AK9: variants seen among roughly 807,000 people sequenced by gnomAD.
The protein encoded by AK9 is adenylate kinase 9.
In AK9, 191 loss-of-function variants were observed where a neutral mutation model predicts 239.6. The observed-to-expected ratio is 0.80, with a 90% CI of 0.71 to 0.90. The LOEUF is 0.90. AK9 is among the 40% of genes least tolerant of loss of function. AK9 has a pLI of 0.00. For synonymous variants in AK9, 689 were observed against 721.0 expected (o/e 0.96, Z 0.71); for missense variants, 1,995 against 2,214.7 (o/e 0.90, Z 1.99).
chr6:109,634,686 C>G (rs1583345828), intron 10 of AK9, among the ~76,000 whole-genome samples: 1 of 152,134 alleles, frequency 6.6e-6, no homozygotes, highest in Admixed American at 6.5e-5. Context: ...ACTGTCAATG[C>G]TTAGGAGAGT....
chr6:109,507,734 A>C (rs987946410), intron 33 of AK9, among the ~76,000 whole-genome samples: 1 of 152,204 alleles, frequency 6.6e-6, no homozygotes, highest in Non-Finnish European at 1.5e-5. Context: ...CTGTTAAAGC[A>C]AACTAAATAC....
intron 31 of AK9, among the ~76,000 whole-genome samples, chr6:109,515,185 T>C (rs912119733): frequency 6.6e-6 from 1 of 152,232 alleles, no homozygotes; most frequent in Non-Finnish European, 1.5e-5. Context: ...AGATGACTAA[T>C]ACGATTGGGT....
chr6:109,517,778 G>A (rs1006669162), intron 29 of AK9, among the ~76,000 whole-genome samples: 1 of 152,114 alleles, frequency 6.6e-6, no homozygotes, highest in East Asian at 1.9e-4. Context: ...GACCATGACA[G>A]GATATTGGTA....
chr6:109,595,740 C>T (rs937928123), intron 17 of AK9, among the ~76,000 whole-genome samples: 11 of 152,250 alleles, frequency 7.2e-5, no homozygotes, highest in South Asian at 2.1e-4. Context: ...TCTCAGCAAA[C>T]TAACACAGGA....
At chr6:109,524,757 T>C (rs1304742058) in intron 29 of AK9, among the ~76,000 whole-genome samples, 1 of 152,222 alleles carries the variant, frequency 6.6e-6, no homozygotes, top group Admixed American at 6.5e-5. Context: ...AGGGTTGTAA[T>C]GTATTCAGTT....
chr6:109,493,647 T>A, intron 40 of AK9, 76 bp from the exon 41 acceptor site: 1 of 1,269,970 alleles, frequency 7.9e-7, no homozygotes. Context: ...CCTGGATGTG[T>A]GGTTGAGTTA....
chr6:109,650,214 C>T (rs1798718311), intron 8 of AK9, among the ~76,000 whole-genome samples: 1 of 151,628 alleles, frequency 6.6e-6, no homozygotes, highest in Non-Finnish European at 1.5e-5. Flanking sequence ...GCAATGGCAA[C>T]AAAAGCCAAA....
Position 109,674,198 on chromosome 6 carries a change from C to T in AK9, c.181G>A (p.Ala61Thr). 3 of 1,567,094 alleles carry T rather than the reference C, an allele frequency of 1.9e-6. No individual in the cohort carries two copies. The highest frequency in any genetic ancestry group is 2.6e-6 in the Non-Finnish European group (3 of 1,160,462). ...ATTAGAGAAAAAAGATAAAATTTAC[C>T]TTCAACACGAATACATTTCCATGCC... is the stretch of plus-strand genomic sequence containing the variant. ...TQAWKCIRVE[A>T]LPILEEQIAA... The change falls in exon 3 of 41, where the codon GCT (alanine) becomes ACT (threonine). Residue 61 changes from alanine (A) to threonine (T), a missense_variant and splice_region_variant. Coordinates refer to ENST00000424296, the MANE Select transcript of AK9 (RefSeq NM_001145128.3).
chr6:109,522,021 C>A (rs528884633), intron 29 of AK9, among the ~76,000 whole-genome samples: 14 of 94,644 alleles, frequency 1.5e-4, no homozygotes, highest in African/African-American at 4.0e-4. Flanking sequence ...TTTTCCATTT[C>A]ATTTCTCTCA....
intron 24 of AK9, among the ~76,000 whole-genome samples, chr6:109,559,260 C>T (rs371310310): frequency 7.9e-5 from 12 of 151,934 alleles, no homozygotes; most frequent in South Asian, 6.2e-4. Flanking sequence ...CTCTGCCTCC[C>T]GGGTTCATGC....
rs1275594627 is a variant in AK9, at chr6:109,681,908, G to A, written c.-11-6152C>T. Reference sequence around the variant, plus strand: ...AAACCAATGAGAATGAAGACACAACGTATGAGAATCTCTGGGACACATTTA... The same window carrying A: ...AAACCAATGAGAATGAAGACACAACATATGAGAATCTCTGGGACACATTTA... On this transcript the variant is annotated intron_variant, in intron 1 of 40. Transcript: ENST00000424296. Among the ~76,000 whole-genome samples the A allele has an allele frequency of 3.9e-5, 6 of 152,108 alleles. No homozygotes were observed. In the South Asian group the frequency reaches 8.3e-4, roughly 21 times the overall value.
chr6:109,587,330 A>G (rs1165779840), intron 17 of AK9, among the ~76,000 whole-genome samples: 2 of 152,230 alleles, frequency 1.3e-5, no homozygotes, highest in Non-Finnish European at 2.9e-5. Flanking sequence ...CAACATTGAG[A>G]TATAACTTAT....
chr6:109,550,081 C>G lies in AK9; in HGVS notation c.2964+9G>C. 2 of 1,612,284 alleles carry G rather than the reference C, an allele frequency of 1.2e-6. No homozygotes were observed. The highest frequency in any genetic ancestry group is 1.7e-6 in the Non-Finnish European group (2 of 1,179,332). On this transcript the variant is annotated intron_variant, in intron 25 of 40. Transcript: ENST00000424296. ...GGGAGCAATCATTAAGATAGGAATA[C>G]TGTCTCACCTTCAATGGTTCTTCAT...
intron 1 of AK9, chr6:109,690,469 T>C (rs561376155): frequency 5.3e-5 from 8 of 152,158 alleles, no homozygotes; most frequent in Non-Finnish European, 1.0e-4. Context: ...GAAGGCTCCT[T>C]ACCTGGCCGC....
At chr6:109,642,580 G>A (rs1797588283) in intron 9 of AK9, among the ~76,000 whole-genome samples, 1 of 152,150 alleles carries the variant, frequency 6.6e-6, no homozygotes, top group Non-Finnish European at 1.5e-5. Context: ...AGGCCCCTTG[G>A]AGCTTCTGCC....
chr6:109,686,665 C>G (rs1253144042), intron 1 of AK9, among the ~76,000 whole-genome samples: 1 of 152,228 alleles, frequency 6.6e-6, no homozygotes, highest in Non-Finnish European at 1.5e-5. Flanking sequence ...AAAGCCACAA[C>G]AGGAGCCTCT....
chr6:109,626,912 A>G (rs1016405878), intron 12 of AK9, among the ~76,000 whole-genome samples: 1 of 152,174 alleles, frequency 6.6e-6, no homozygotes, highest in African/African-American at 2.4e-5. Flanking sequence ...TAAACAATGT[A>G]CACTTAGGCT....
chr6:109,510,770 CAG>C, intron 32 of AK9, among the ~76,000 whole-genome samples: 1 of 152,306 alleles, frequency 6.6e-6, no homozygotes, highest in East Asian at 1.9e-4. Flanking sequence ...GCTGCAGCCA[CAG>C]AGGTTTCAAG....
At chr6:109,637,230 T>A (rs905279632) in intron 10 of AK9, among the ~76,000 whole-genome samples, 5 of 152,230 alleles carry the variant, frequency 3.3e-5, no homozygotes, top group Admixed American at 6.5e-5. Flanking sequence ...CTTTGCCCAT[T>A]TTTGAACTGG....
Sources: allele counts gnomAD v4.1 joint callset (sites outside exome capture counted in the v4.1 genomes callset), GRCh38; gene constraint gnomAD v4.1.1; transcripts MANE v1.5; gene names NCBI Gene and HGNC (gene_info 2026-07-23, HGNC 2026-07-21).